The following ADGRV1 variants were observed in gnomAD, a reference collection of about 807,000 sequenced individuals.
ADGRV1 encodes the protein G-protein coupled receptor 98.
A neutral mutation model predicts 596.2 loss-of-function variants in ADGRV1; 359 were observed. The ratio of observed to expected loss-of-function variants is 0.60; its 90% CI spans 0.55 to 0.66. ADGRV1 has a LOEUF of 0.66. ADGRV1 is among the 30% of genes least tolerant of loss of function. The pLI is 0.00. For synonymous variants in ADGRV1, 2,681 were observed against 2,679.2 expected (o/e 1.00, Z -0.02); for missense variants, 7,274 against 7,575.6 (o/e 0.96, Z 1.48).
chr5:90,853,661 G>T, intron 80 of ADGRV1, 128 bp downstream of exon 80: 1 of 798,594 alleles, frequency 1.3e-6, no homozygotes, highest in Admixed American at 3.0e-5. Flanking sequence ...TATGAAATGT[G>T]TTCCATCTTT....
chr5:90,694,066 A>T lies in ADGRV1; in HGVS notation c.7310A>T (p.Tyr2437Phe). The T allele has an allele frequency of 6.2e-7, 1 of 1,613,852 alleles. No individual in the cohort carries two copies. The highest frequency in any genetic ancestry group is 8.5e-7 in the Non-Finnish European group (1 of 1,179,852). ...MNVSAVGEPL[Y>F]TCATLCLKEQ... is the part of the protein sequence containing the mutation. Reference sequence around the variant, plus strand: ...GTCTCTGCCGTGGGGGAGCCCCTGTATACCTGTGCCACTTTGTGCCTTAAG... The same window carrying T: ...GTCTCTGCCGTGGGGGAGCCCCTGTTTACCTGTGCCACTTTGTGCCTTAAG... The change falls in exon 33 of 90, where the codon TAT (tyrosine) becomes TTT (phenylalanine). Residue 2437 changes from tyrosine to phenylalanine, a missense_variant. Coordinates refer to ENST00000405460, the MANE Select transcript of ADGRV1 (RefSeq NM_032119.4).
intron 9 of ADGRV1, chr5:90,630,369 T>C (rs1765348660): frequency 6.6e-6 from 1 of 152,222 alleles, no homozygotes; most frequent in Admixed American, 6.5e-5. Context: ...GTAGACTCTC[T>C]GGACCTTCAA....
At chr5:91,154,623 A>G (rs74672968) in intron 89 of ADGRV1, among the ~76,000 whole-genome samples, 6,590 of 152,300 alleles carry the variant, frequency 0.043, 380 homozygotes, top group African/African-American at 0.13. Context: ...TCACACTGCT[A>G]TGAAGAAATA....
chr5:90,720,802 A>G, intron 44 of ADGRV1, 133 bp from the exon 45 acceptor site: 1 of 621,742 alleles, frequency 1.6e-6, no homozygotes, highest in Admixed American at 3.1e-5. Flanking sequence ...GATTTTTAGT[A>G]TTTTCTTATC....
rs1238359407 is a variant in ADGRV1 at position 90,622,650 on chromosome 5, T to A, written c.507T>A (p.Leu169=). The part of the protein sequence containing the change: ...EPKGRNESMP[L]TLIREKGTYG... ...AGGGCAGAAATGAGTCTATGCCTCT[T>A]ACTCTCATCAGGGAAAAGGGAACCT... The change falls in exon 5 of 90, where the codon CTT becomes CTA. Residue 169 remains leucine (L), a synonymous_variant. Transcript: ENST00000405460. 4.5e-6 allele frequency: 7 copies of A among 1,551,734 alleles called. No individual in the cohort carries two copies. Among genetic ancestry groups the A allele is most frequent in the Non-Finnish European group, 6.1e-6 (7 of 1,147,796 alleles).
chr5:90,683,760 T>A lies in ADGRV1; in HGVS notation c.5839T>A (p.Phe1947Ile). The change falls in exon 28 of 90, where the codon TTC becomes ATC. Residue 1947 changes from phenylalanine (F) to isoleucine (I), a missense_variant. Transcript: ENST00000405460. ...CGAAGACCCAGAACTGGATAAGGCA[T>A]TCTCTGTGTCAGTCCTCAGTGTTTC... is the stretch of plus-strand genomic sequence containing the variant. ...PDEDPELDKA[F>I]SVSVLSVSSG... 2 of 1,613,864 alleles carry A rather than the reference T, an allele frequency of 1.2e-6. No homozygotes were observed. Among genetic ancestry groups the A allele is most frequent in the Non-Finnish European group, 1.7e-6 (2 of 1,179,852 alleles).
chr5:90,789,956 C>A, intron 69 of ADGRV1, 105 bp downstream of exon 69: 2 of 806,896 alleles, frequency 2.5e-6, no homozygotes, highest in Non-Finnish European at 1.7e-6. Flanking sequence ...TTTTGATAAA[C>A]TAAAGTTACG....
At chr5:90,601,915 A>T (rs557042863) in intron 1 of ADGRV1, among the ~76,000 whole-genome samples, 1 of 152,322 alleles carries the variant, frequency 6.6e-6, no homozygotes, top group East Asian at 1.9e-4. Context: ...GGATTGCTGG[A>T]GGCTTGGACA....
rs149600158 is a variant in ADGRV1, at chr5:90,644,771, C to G, written c.2800C>G (p.Pro934Ala). The G allele has an allele frequency of 1.2e-6, 2 of 1,611,666 alleles. No individual in the cohort carries two copies. Among genetic ancestry groups the G allele is most frequent in the Non-Finnish European group, 1.7e-6 (2 of 1,179,096 alleles). The change falls in exon 15 of 90, where the codon CCA becomes GCA. Residue 934 changes from proline to alanine, a missense_variant. Physicochemically the swap from Pro to Ala is conservative, Grantham distance 27. Around this residue, in one of 5 missense-constraint regions of ADGRV1, gnomAD observed 1,715 missense variants for 1,708.8 expected, o/e 1.00. Coordinates refer to ENST00000405460, the MANE Select transcript of ADGRV1 (RefSeq NM_032119.4). ...TGTTAGTGTATCATGGGTGGTTAGT[C>G]CAGACTTTACACAAGATGTATTTCC... The part of the protein sequence containing the change: ...GDVSVSWVVS[P>A]DFTQDVFPVQ...
chr5:90,918,794 A>G (rs1256173093), intron 83 of ADGRV1, among the ~76,000 whole-genome samples: 1 of 152,198 alleles, frequency 6.6e-6, no homozygotes, highest in Non-Finnish European at 1.5e-5. Flanking sequence ...TTCTTATGTT[A>G]CTACAACCAA....
chr5:90,670,395 G>A (rs536280734), intron 21 of ADGRV1, among the ~76,000 whole-genome samples: 1 of 152,342 alleles, frequency 6.6e-6, no homozygotes, highest in East Asian at 1.9e-4. Context: ...GAAGTATGAA[G>A]CTACTGCTTC....
At position 90,900,347 on chromosome 5, in the gene ADGRV1, A is replaced by T. The variant is rs201444248; in HGVS notation, c.17856+36490A>T. Among the ~76,000 whole-genome samples the T allele has an allele frequency of 5.3e-3, 711 of 134,366 alleles. 35 individuals are homozygous for T. The East Asian group carries it at 0.13, about 25-fold the overall frequency. 88.1% of individuals were successfully genotyped at this position (134,366 alleles called of 152,430 possible). ...TGCCATTCTTTTTTTTTTTTTTTTT[A>T]AATCTAGATCTGTGCTTCTGGTGTG... On this transcript the variant is annotated intron_variant, in intron 83 of 89. Coordinates refer to ENST00000405460, the MANE Select transcript of ADGRV1 (RefSeq NM_032119.4).
At chr5:90,622,817 T>C (rs774679925) in intron 5 of ADGRV1, 116 bp downstream of exon 5, 2 of 399,126 alleles carry the variant, frequency 5.0e-6, no homozygotes, top group Non-Finnish European at 4.4e-6. Flanking sequence ...CTCAGCTCAA[T>C]GCAACCTCTG....
intron 84 of ADGRV1, among the ~76,000 whole-genome samples, chr5:90,967,665 C>A (rs2150976729): frequency 6.6e-6 from 1 of 152,044 alleles, no homozygotes; most frequent in East Asian, 1.9e-4. Flanking sequence ...GTACGTGGTA[C>A]AGAACTGAAA....
intron 83 of ADGRV1, among the ~76,000 whole-genome samples, chr5:90,962,293 A>G (rs918091233): frequency 1.3e-5 from 2 of 152,218 alleles, no homozygotes; most frequent in African/African-American, 4.8e-5. Context: ...GCCCAGCACA[A>G]TACTTTGTAG....
intron 85 of ADGRV1, among the ~76,000 whole-genome samples, chr5:91,017,005 G>A (rs1486764716): frequency 6.6e-6 from 1 of 151,878 alleles, no homozygotes; most frequent in Non-Finnish European, 1.5e-5. Flanking sequence ...AGTTCCAATG[G>A]GAGAACCGTT....
At chr5:90,697,213 T>G in intron 34 of ADGRV1, 67 bp downstream of exon 34, 1 of 1,381,088 alleles carries the variant, frequency 7.2e-7, no homozygotes, top group East Asian at 2.3e-5. Context: ...TGTCTAGTTC[T>G]TTAAAACTTG....
rs994201218 is a variant in ADGRV1 at position 90,628,563 on chromosome 5, T to C, written c.1240T>C (p.Tyr414His). ...TGTATTTCTTTTAAAACATTTAAGATATGAAGAAATCACAGTGGTTAGAAA... is the reference window on the plus strand; with the variant it reads ...TGTATTTCTTTTAAAACATTTAAGACATGAAGAAATCACAGTGGTTAGAAA... ...VIIDEDRISR[Y>H]EEITVVRNGG... is the part of the protein sequence containing the mutation. Residue 414 changes from tyrosine to histidine, a missense_variant and splice_region_variant, in exon 8 of 90, where the codon TAT (tyrosine) becomes CAT (histidine). Tyr to His is a moderately conservative substitution (Grantham distance 83, BLOSUM62 2). This residue lies in a region of ADGRV1 where 1,715 missense variants were observed against 1,708.8 expected (regional missense o/e 1.00). Transcript: ENST00000405460. 2 of 1,612,674 alleles carry C rather than the reference T, an allele frequency of 1.2e-6. No homozygotes were observed. The highest frequency in any genetic ancestry group is 1.7e-6 in the Non-Finnish European group (2 of 1,178,896).
At chr5:90,675,124 TA>T in intron 23 of ADGRV1, 118 bp from the exon 24 acceptor site, 1 of 679,738 alleles carries the variant, frequency 1.5e-6, no homozygotes, top group Non-Finnish European at 2.4e-6. Flanking sequence ...ATTTTCTAAA[TA>T]AAGTCCCTCA....
Sources: gnomAD v4.1 joint callset for allele counts (sites outside exome capture counted in the v4.1 genomes callset) on GRCh38, gnomAD v4.1.1 for gene constraint, gnomAD v4.1.1 regional missense constraint, MANE v1.5 for transcripts, NCBI Gene and HGNC (gene_info 2026-07-23, HGNC 2026-07-21) for gene names.